Variants in HIPK4 observed in about 807,000 individuals in gnomAD.
HIPK4 encodes homeodomain interacting protein kinase 4.
Under a neutral mutation model 44.8 loss-of-function variants are expected in HIPK4, and 26 were observed. The observed-to-expected ratio is 0.58, with a 90% confidence interval of 0.43 to 0.80. The LOEUF is 0.80. Among genes scored for constraint, HIPK4 ranks in the 30% least tolerant of loss-of-function variants. The probability of loss-of-function intolerance (pLI) is 0.00; values close to 1 mark genes in which losing one functional copy is unlikely to be tolerated. For synonymous variants in HIPK4, 340 were observed against 355.5 expected (o/e 0.96, Z 0.49); for missense variants, 729 against 862.6 (o/e 0.85, Z 1.94).
Position 40,380,436 on chromosome 19 carries a change from G to C in HIPK4, c.1555C>G (p.Arg519Gly). Reference sequence around the variant, plus strand: ...TCTCCTTCCTCCCAGCTGCTGCCCCGGCAGGGCCTGTCATCCTCAGGCGAG... The same window carrying C: ...TCTCCTTCCTCCCAGCTGCTGCCCCCGCAGGGCCTGTCATCCTCAGGCGAG... Reference protein sequence around the residue: ...QVSPEDDRPCRGSSWEEGEHL... With the variant: ...QVSPEDDRPCGGSSWEEGEHL... The change falls in exon 3 of 4, where the codon CGG becomes GGG. Residue 519 changes from arginine to glycine, a missense_variant. Coordinates refer to ENST00000291823, the MANE Select transcript of HIPK4 (RefSeq NM_144685.5). This position sits in a 1 kb window ranked among gnomAD's most constrained non-coding sequence, Gnocchi z 4.2. The C allele has an allele frequency of 6.2e-7, 1 of 1,614,066 alleles. No individual in the cohort carries two copies. Among genetic ancestry groups the C allele is most frequent in the Non-Finnish European group, 8.5e-7 (1 of 1,180,034 alleles).
Position 40,389,571 on chromosome 19 carries a change from C to A in HIPK4, c.332G>T (p.Arg111Leu). Residue 111 changes from arginine (R) to leucine (L), a missense_variant, in exon 1 of 4, where the codon CGC (arginine) becomes CTC (leucine). Arg to Leu is a moderately radical substitution (Grantham distance 102). Coordinates refer to ENST00000291823, the MANE Select transcript of HIPK4 (RefSeq NM_144685.5). The surrounding 1 kb of genome is among the most constrained non-coding windows in gnomAD (Gnocchi z 4.6). ...CTGCAGGGTGACTGTACGGATGTGGCGGGCGGGGAGGGGCGCGAAGTTGTT... is the reference window on the plus strand; with the variant it reads ...CTGCAGGGTGACTGTACGGATGTGGAGGGCGGGGAGGGGCGCGAAGTTGTT... ...KENNFAPLPA[R>L]HIRTVTLQVL... is the part of the protein sequence containing the mutation. The A allele has an allele frequency of 6.2e-7, 1 of 1,611,400 alleles. No individual in the cohort carries two copies. The highest frequency in any genetic ancestry group is 8.5e-7 in the Non-Finnish European group (1 of 1,178,038).
At chr19:40,387,393 G>A (rs144163116) in intron 1 of HIPK4, among the ~76,000 whole-genome samples, 2 of 152,270 alleles carry the variant, frequency 1.3e-5, no homozygotes, top group Non-Finnish European at 2.9e-5. Context: ...GCGAATGGCC[G>A]AAAGCCTTTG....
Position 40,380,383 on chromosome 19 carries a change from C to T in HIPK4, c.1608G>A (p.Leu536=), listed in dbSNP as rs2079326830. 4 of 1,614,206 alleles carry T rather than the reference C, an allele frequency of 2.5e-6. No individual in the cohort carries two copies. Among genetic ancestry groups the T allele is most frequent in the Non-Finnish European group, 3.4e-6 (4 of 1,180,050 alleles). Residue 536 remains leucine, a synonymous_variant, in exon 3 of 4, where the codon CTG becomes CTA. Transcript: ENST00000291823. This position sits in a 1 kb window ranked among gnomAD's most constrained non-coding sequence, Gnocchi z 4.2. ...CATCCTCATCTCGCTGCAGGATGGC[C>T]AGTGGCTCAGCAGAGGCCCCGAGAT... is the stretch of plus-strand genomic sequence containing the variant. ...GEHLGASAEP[L]AILQRDEDGP... is the part of the protein sequence containing the mutation.
Position 40,379,438 on chromosome 19 carries a change from C to G in HIPK4, c.*149G>C. Reference sequence around the variant, plus strand: ...AGGTGTGCAGGCACGCACCGCACCGCAGACGGGGAATGAGAATTTCTGGAT... The same window carrying G: ...AGGTGTGCAGGCACGCACCGCACCGGAGACGGGGAATGAGAATTTCTGGAT... On this transcript the variant is annotated 3_prime_UTR_variant, in exon 4 of 4. Coordinates refer to ENST00000291823, the MANE Select transcript of HIPK4 (RefSeq NM_144685.5). 1.4e-6 allele frequency: 1 copy of G among 726,614 alleles called. No homozygotes were observed. Among genetic ancestry groups the G allele is most frequent in the South Asian group, 2.0e-5 (1 of 49,562 alleles). The allele number at this position is 726,614 out of a possible 1,614,324, so 45.0% of individuals were successfully genotyped here.
chr19:40,389,365 A>G lies in HIPK4; in HGVS notation c.465+73T>C, dbSNP rs1476146432. ...ATAATTTTAAAAAATTAAAAAAAAAATCTAGGGCTGGAAGAAGCTGGGAAA... is the reference window on the plus strand; with the variant it reads ...ATAATTTTAAAAAATTAAAAAAAAAGTCTAGGGCTGGAAGAAGCTGGGAAA... On this transcript the variant is annotated intron_variant, in intron 1 of 3. Transcript: ENST00000291823. The surrounding 1 kb of genome is among the most constrained non-coding windows in gnomAD (Gnocchi z 4.6). 1.4e-6 allele frequency: 1 copy of G among 732,088 alleles called. No homozygotes were observed. The highest frequency in any genetic ancestry group is 3.3e-5 in the East Asian group (1 of 30,698). 45.3% of individuals were successfully genotyped at this position (732,088 alleles called of 1,614,324 possible).
At position 40,383,463 on chromosome 19, in the gene HIPK4, G is replaced by T. The variant is rs530385981; in HGVS notation, c.822+320C>A. Among the ~76,000 whole-genome samples, 3 of 152,130 alleles carry T rather than the reference G, an allele frequency of 2.0e-5. No individual in the cohort carries two copies. In the South Asian group the frequency reaches 6.2e-4, roughly 32 times the overall value. On this transcript the variant is annotated intron_variant, in intron 2 of 3. Coordinates refer to ENST00000291823, the MANE Select transcript of HIPK4 (RefSeq NM_144685.5). ...AACAGAGTCTTGCTCTGTCACCCAG[G>T]CTCAAGTGTAGTGGCATGATCATAG...
At chr19:40,387,909 C>T (rs113091966) in intron 1 of HIPK4, among the ~76,000 whole-genome samples, 8,190 of 152,004 alleles carry the variant, frequency 0.054, 736 homozygotes, top group African/African-American at 0.19. Flanking sequence ...TCTCAGCTCA[C>T]TGCAAAACCT....
Position 40,380,206 on chromosome 19 carries a change from C to T in HIPK4, c.1668+117G>A. 1 of 1,374,386 alleles carries T rather than the reference C, an allele frequency of 7.3e-7. No individual in the cohort carries two copies. Among genetic ancestry groups the T allele is most frequent in the South Asian group, 1.4e-5 (1 of 71,284 alleles). The allele number at this position is 1,374,386 out of a possible 1,614,324, so 85.1% of individuals were successfully genotyped here. On this transcript the variant is annotated intron_variant, in intron 3 of 3. Coordinates refer to ENST00000291823, the MANE Select transcript of HIPK4 (RefSeq NM_144685.5). This position sits in a 1 kb window ranked among gnomAD's most constrained non-coding sequence, Gnocchi z 4.2. ...AGCCTCCTAAGTCCCTAATTGTATC[C>T]TGAACATGGGTGAGTGTGTGTTGAG...
In HIPK4 at chr19:40,379,354, T is replaced by G; in HGVS notation, c.*233A>C. 1 of 524,436 alleles carries G rather than the reference T, an allele frequency of 1.9e-6. No individual in the cohort carries two copies. Among genetic ancestry groups the G allele is most frequent in the Non-Finnish European group, 3.3e-6 (1 of 302,110 alleles). 32.5% of individuals were successfully genotyped at this position (524,436 alleles called of 1,614,324 possible). ...GCCAGCGGGGTGCAGCCCCCTTTCC[T>G]GCTGTCCTTCTGGCCAAGGAGCATG... On this transcript the variant is annotated 3_prime_UTR_variant, in exon 4 of 4. Transcript: ENST00000291823.
chr19:40,387,392 C>T (rs1599645491), intron 1 of HIPK4, among the ~76,000 whole-genome samples: 1 of 152,120 alleles, frequency 6.6e-6, no homozygotes, highest in Non-Finnish European at 1.5e-5. Flanking sequence ...TGCGAATGGC[C>T]GAAAGCCTTT....
rs1243911692 is a variant in HIPK4, at chr19:40,389,919, G to C, written c.-17C>G. 1 of 1,589,792 alleles carries C rather than the reference G, an allele frequency of 6.3e-7. No homozygotes were observed. The highest frequency in any genetic ancestry group is 8.5e-7 in the Non-Finnish European group (1 of 1,170,748). ...GGTGGACATGGTGCCGCTGCTGCCA[G>C]ACACCGCCCTGCCCAGGCCCCTGTA... On this transcript the variant is annotated 5_prime_UTR_variant, in exon 1 of 4. Transcript: ENST00000291823. This position sits in a 1 kb window ranked among gnomAD's most constrained non-coding sequence, Gnocchi z 4.6.
chr19:40,383,947 C>A lies in HIPK4; in HGVS notation c.658G>T (p.Glu220Ter). Residue 220 changes from glutamate to a stop codon, truncating the protein, a stop_gained, in exon 2 of 4, where the codon GAG (glutamate) becomes TAG (stop). Coordinates refer to ENST00000291823, the MANE Select transcript of HIPK4 (RefSeq NM_144685.5). LOFTEE classifies it high-confidence loss of function. The part of the protein sequence containing the change: ...LGWPLYPGNN[E>*]YDQVRYICET... ...CAGATGTAGCGCACCTGGTCGTACT[C>A]GTTGTTGCCGGGGTAGAGAGGCCAG... is the stretch of plus-strand genomic sequence containing the variant. The A allele has an allele frequency of 6.2e-7, 1 of 1,614,142 alleles. No individual in the cohort carries two copies. The highest frequency in any genetic ancestry group is 1.3e-5 in the African/African-American group (1 of 75,042).
In HIPK4 at chr19:40,389,685, A is replaced by G. The variant is rs1160820347; in HGVS notation, c.218T>C (p.Ile73Thr). ...RGLDPEEAHV[I>T]RFLEFFHDAL... ...GTCATGGAAGAACTCAAGGAAGCGG[A>G]TGACGTGGGCCTCTTCAGGGTCTAG... The change falls in exon 1 of 4, where the codon ATC becomes ACC. Residue 73 changes from isoleucine (I) to threonine (T), a missense_variant. By Grantham distance (89) the Ile-to-Thr change is moderately conservative (BLOSUM62 -1). This residue lies in a region of HIPK4 where 196 missense variants were observed against 295.1 expected (regional missense o/e 0.66). Coordinates refer to ENST00000291823, the MANE Select transcript of HIPK4 (RefSeq NM_144685.5). This position sits in a 1 kb window ranked among gnomAD's most constrained non-coding sequence, Gnocchi z 4.6. The G allele has an allele frequency of 1.9e-5, 30 of 1,614,084 alleles. No individual in the cohort carries two copies. Among genetic ancestry groups the G allele is most frequent in the Non-Finnish European group, 2.5e-5 (30 of 1,180,018 alleles).
Position 40,379,719 on chromosome 19 carries a change from C to T in HIPK4, c.1719G>A (p.Leu573=), listed in dbSNP as rs760926724. The change falls in exon 4 of 4, where the codon CTG becomes CTA. Residue 573 remains leucine, a synonymous_variant. Coordinates refer to ENST00000291823, the MANE Select transcript of HIPK4 (RefSeq NM_144685.5). ...TCTCCAGGGTGCAGTCTGGCTCACT[C>T]AGCCATTCTCCAGGACAGCTGCTGG... ...FDPSSCPGEW[L]SEPDCTLESV... The T allele has an allele frequency of 6.2e-7, 1 of 1,610,990 alleles. No individual in the cohort carries two copies. The highest frequency in any genetic ancestry group is 8.5e-7 in the Non-Finnish European group (1 of 1,179,224).
chr19:40,379,450 G>T lies in HIPK4; in HGVS notation c.*137C>A. On this transcript the variant is annotated 3_prime_UTR_variant, in exon 4 of 4. Transcript: ENST00000291823. Reference sequence around the variant, plus strand: ...ACGCACCGCACCGCAGACGGGGAATGAGAATTTCTGGATAACTATCTTTCT... The same window carrying T: ...ACGCACCGCACCGCAGACGGGGAATTAGAATTTCTGGATAACTATCTTTCT... 1.3e-6 allele frequency: 1 copy of T among 797,590 alleles called. No homozygotes were observed. Among genetic ancestry groups the T allele is most frequent in the Non-Finnish European group, 1.9e-6 (1 of 529,538 alleles). The allele number at this position is 797,590 out of a possible 1,614,324, so 49.4% of individuals were successfully genotyped here.
chr19:40,379,495 T>C lies in HIPK4; in HGVS notation c.*92A>G. 1 of 1,084,192 alleles carries C rather than the reference T, an allele frequency of 9.2e-7. No individual in the cohort carries two copies. Among genetic ancestry groups the C allele is most frequent in the Non-Finnish European group, 1.3e-6 (1 of 785,580 alleles). The allele number at this position is 1,084,192 out of a possible 1,614,324, so 67.2% of individuals were successfully genotyped here. On this transcript the variant is annotated 3_prime_UTR_variant, in exon 4 of 4. Transcript: ENST00000291823. Reference sequence around the variant, plus strand: ...CTTTCTGTAAGAATAATTTGTGGGTTCAGGAGATGGCTCTGAGGAGCAGTT... The same window carrying C: ...CTTTCTGTAAGAATAATTTGTGGGTCCAGGAGATGGCTCTGAGGAGCAGTT...
In HIPK4 at chr19:40,379,427, G is replaced by T; in HGVS notation, c.*160C>A. ...GTGTTTAGGAGAGGTGTGCAGGCAC[G>T]CACCGCACCGCAGACGGGGAATGAG... On this transcript the variant is annotated 3_prime_UTR_variant, in exon 4 of 4. Coordinates refer to ENST00000291823, the MANE Select transcript of HIPK4 (RefSeq NM_144685.5). 1.5e-6 allele frequency: 1 copy of T among 653,298 alleles called. No homozygotes were observed. Among genetic ancestry groups the T allele is most frequent in the East Asian group, 3.0e-5 (1 of 32,820 alleles). 40.5% of individuals were successfully genotyped at this position (653,298 alleles called of 1,614,324 possible).
chr19:40,386,924 G>A (rs978856876), intron 1 of HIPK4, among the ~76,000 whole-genome samples: 4 of 151,082 alleles, frequency 2.6e-5, no homozygotes, highest in South Asian at 2.1e-4. Flanking sequence ...GCGCAATCTC[G>A]GCTCAAGGCA....
At chr19:40,381,787 T>G (rs971064845) in intron 2 of HIPK4, among the ~76,000 whole-genome samples, 1 of 91,060 alleles carries the variant, frequency 1.1e-5, no homozygotes, top group Non-Finnish European at 2.5e-5. Context: ...TCAGATCCTT[T>G]TTTTTTTTTT....
Sources: gnomAD v4.1 joint callset for allele counts (sites outside exome capture counted in the v4.1 genomes callset) on GRCh38, gnomAD v4.1.1 for gene constraint, gnomAD v4.1.1 regional missense constraint, Gnocchi (gnomAD v3.1) non-coding constraint, MANE v1.5 for transcripts, NCBI Gene and HGNC (gene_info 2026-07-23, HGNC 2026-07-21) for gene names.